The following PTPRT variants were observed in gnomAD, a reference collection of about 807,000 sequenced individuals.
The protein encoded by PTPRT is protein tyrosine phosphatase receptor type T.
A neutral mutation model predicts 176.8 loss-of-function variants in PTPRT; 56 were observed. That is an observed-to-expected ratio of 0.32 (90% CI 0.26 to 0.40). The LOEUF is 0.40. Ranked by LOEUF, PTPRT falls within the 10% of genes least tolerant of loss-of-function variation. The probability of loss-of-function intolerance (pLI) is 1.00; values close to 1 mark genes in which losing one functional copy is unlikely to be tolerated. For synonymous variants in PTPRT, 783 were observed against 739.0 expected (o/e 1.06, Z -0.96); for missense variants, 1,540 against 1,908.2 (o/e 0.81, Z 3.60).
intron 2 of PTPRT, among the ~76,000 whole-genome samples, chr20:42,798,081 G>T (rs534608467): frequency 6.6e-6 from 1 of 152,140 alleles, no homozygotes; most frequent in African/African-American, 2.4e-5. Context: ...AACATCCTAC[G>T]CATGTCCCTG....
At chr20:42,461,046 G>T (rs1239289251) in intron 8 of PTPRT, among the ~76,000 whole-genome samples, 1 of 152,170 alleles carries the variant, frequency 6.6e-6, no homozygotes, top group African/African-American at 2.4e-5. Flanking sequence ...AAAATAAATA[G>T]GCCGGGCATG....
At chr20:42,692,907 G>A (rs2075814310) in intron 6 of PTPRT, among the ~76,000 whole-genome samples, 1 of 152,148 alleles carries the variant, frequency 6.6e-6, no homozygotes, top group South Asian at 2.1e-4. Flanking sequence ...AGGGGAAGGA[G>A]TAGTCGACTG....
intron 9 of PTPRT, among the ~76,000 whole-genome samples, chr20:42,383,255 G>A (rs781071564): frequency 9.2e-5 from 14 of 152,258 alleles, no homozygotes; most frequent in South Asian, 2.1e-4. Context: ...TCAGTGACCC[G>A]TGAATGGTGA....
rs141771138 is a variant in PTPRT, at chr20:42,625,602, A to C, written c.1153+52264T>G. 3.5e-4 allele frequency among the ~76,000 whole-genome samples: 54 copies of C among 152,142 alleles called. No homozygotes were observed. In the East Asian group the frequency reaches 9.7e-3, roughly 27 times the overall value. On this transcript the variant is annotated intron_variant, in intron 7 of 30. Transcript: ENST00000373187. ...GTAGCTGGGGCTATGCCACATCTCAATCTCAGAACACCAGGGCACAGAGAA... is the reference window on the plus strand; with the variant it reads ...GTAGCTGGGGCTATGCCACATCTCACTCTCAGAACACCAGGGCACAGAGAA...
chr20:42,035,532 C>T, the PTPRT span, among the ~76,000 whole-genome samples: 1 of 152,140 alleles, frequency 6.6e-6, no homozygotes, highest in Admixed American at 6.5e-5. Flanking sequence ...AGCATCCCAA[C>T]AGCCCAGCTA....
intron 9 of PTPRT, among the ~76,000 whole-genome samples, chr20:42,375,242 G>A (rs954543099): frequency 5.3e-5 from 8 of 152,154 alleles, no homozygotes; most frequent in African/African-American, 1.9e-4. Flanking sequence ...CCCATCAGGT[G>A]GCAAGGATAC....
chr20:42,359,917 C>T (rs1430922153), intron 9 of PTPRT, among the ~76,000 whole-genome samples: 1 of 152,230 alleles, frequency 6.6e-6, no homozygotes, highest in Non-Finnish European at 1.5e-5. Context: ...TCTTGGTTAC[C>T]ATGGATCAAA....
intron 7 of PTPRT, among the ~76,000 whole-genome samples, chr20:42,544,729 A>G (rs1246880598): frequency 6.6e-6 from 1 of 152,238 alleles, no homozygotes; most frequent in Admixed American, 6.5e-5. Context: ...AGCAAGTAAG[A>G]TCACATGGTC....
At chr20:42,599,297 G>C (rs2073733224) in intron 7 of PTPRT, among the ~76,000 whole-genome samples, 1 of 152,186 alleles carries the variant, frequency 6.6e-6, no homozygotes, top group African/African-American at 2.4e-5. Context: ...CACAGGGTTT[G>C]ATGAGCAGAG....
chr20:42,696,150 C>T (rs1159999097), intron 6 of PTPRT, among the ~76,000 whole-genome samples: 1 of 151,610 alleles, frequency 6.6e-6, no homozygotes, highest in Non-Finnish European at 1.5e-5. Flanking sequence ...CCTCCCTTTT[C>T]TTCCCTCTCC....
chr20:42,817,676 T>A lies in PTPRT; in HGVS notation c.215-26210A>T, dbSNP rs546465435. ...ATTTTTGGCTTTAAGAAAGTCAGTA[T>A]TTTATGCTGGAGCCAGGGAGGCTGG... On this transcript the variant is annotated intron_variant, in intron 2 of 30. Transcript: ENST00000373187. Among the ~76,000 whole-genome samples, 6 of 152,284 alleles carry A rather than the reference T, an allele frequency of 3.9e-5. No individual in the cohort carries two copies. The East Asian group carries it at 9.7e-4, about 25-fold the overall frequency.
chr20:42,039,348 A>C, the PTPRT span, among the ~76,000 whole-genome samples: 2,228 of 152,130 alleles, frequency 0.015, 28 homozygotes, highest in Admixed American at 0.019. Flanking sequence ...TTGGCAAAAA[A>C]CCCATTCTGT....
At chr20:42,150,099 T>G (rs1471014432) in intron 17 of PTPRT, among the ~76,000 whole-genome samples, 1 of 152,224 alleles carries the variant, frequency 6.6e-6, no homozygotes, top group Non-Finnish European at 1.5e-5. Context: ...CTGGTTCTAC[T>G]GAGCCAAACC....
At chr20:42,258,887 A>G (rs1163917763) in intron 13 of PTPRT, among the ~76,000 whole-genome samples, 2 of 152,200 alleles carry the variant, frequency 1.3e-5, no homozygotes, top group African/African-American at 4.8e-5. Context: ...AAACCACTTA[A>G]TAAGTACTGT....
At chr20:42,941,081 CAAA>C (rs540543601) in intron 1 of PTPRT, among the ~76,000 whole-genome samples, 2 of 148,072 alleles carry the variant, frequency 1.4e-5, no homozygotes, top group Admixed American at 6.7e-5. Context: ...GACTCCATCT[CAAA>C]AAAAAATAAT....
chr20:43,119,227 TG>T (rs2013167959), intron 1 of PTPRT, among the ~76,000 whole-genome samples: 1 of 152,232 alleles, frequency 6.6e-6, no homozygotes, highest in Non-Finnish European at 1.5e-5. Context: ...TAAAAAGCTC[TG>T]GAAGAAGACA....
chr20:42,869,175 G>A (rs925962692), intron 2 of PTPRT, among the ~76,000 whole-genome samples: 4 of 152,090 alleles, frequency 2.6e-5, no homozygotes, highest in Non-Finnish European at 5.9e-5. Flanking sequence ...TGGAGACATG[G>A]GAATTCAGCC....
intron 8 of PTPRT, among the ~76,000 whole-genome samples, chr20:42,451,094 G>A (rs1405879668): frequency 6.6e-6 from 1 of 152,140 alleles, no homozygotes; most frequent in Non-Finnish European, 1.5e-5. Flanking sequence ...AATCAGTTAG[G>A]AGGCTGTCAT....
intron 27 of PTPRT, among the ~76,000 whole-genome samples, chr20:42,089,940 T>C (rs1324068575): frequency 2.0e-5 from 3 of 152,204 alleles, no homozygotes; most frequent in Non-Finnish European, 4.4e-5. Context: ...GTTCAAGTGC[T>C]GTAGCTGCAC....
Sources: allele counts gnomAD v4.1 joint callset (sites outside exome capture counted in the v4.1 genomes callset), GRCh38; gene constraint gnomAD v4.1.1; transcripts MANE v1.5; gene names NCBI Gene and HGNC (gene_info 2026-07-23, HGNC 2026-07-21).